The following CTNND2 variants were observed in gnomAD, a reference collection of about 807,000 sequenced individuals.
CTNND2 encodes the protein catenin delta 2.
CTNND2 carries 22 observed loss-of-function variants against 144.4 expected under a neutral mutation model. That is an observed-to-expected ratio of 0.15 (90% CI 0.11 to 0.22). The LOEUF is 0.22. Among genes scored for constraint, CTNND2 ranks in the 10% least tolerant of loss-of-function variants. The probability of loss-of-function intolerance (pLI) is 1.00; values close to 1 mark genes in which losing one functional copy is unlikely to be tolerated. For missense variants in CTNND2, 1,353 were observed against 1,618.8 expected (o/e 0.84, Z 2.82); for synonymous variants, 751 against 695.6 (o/e 1.08, Z -1.25).
In CTNND2 at chr5:11,105,030, C is replaced by T. The variant is rs1580298707; in HGVS notation, c.2463+5828G>A. Among the ~76,000 whole-genome samples, 5 of 152,346 alleles carry T rather than the reference C, an allele frequency of 3.3e-5. No individual in the cohort carries two copies. In the South Asian group the frequency reaches 1.0e-3, roughly 32 times the overall value. On this transcript the variant is annotated intron_variant, in intron 14 of 21. Coordinates refer to ENST00000304623, the MANE Select transcript of CTNND2 (RefSeq NM_001332.4). ...CCACAGACTGGCATCACGAGGCCGG[C>T]CACTGTGCTGTGCCCCACAGAAGAC...
chr5:11,535,944 A>T (rs536856448), intron 3 of CTNND2, among the ~76,000 whole-genome samples: 226 of 152,340 alleles, frequency 1.5e-3, no homozygotes, highest in Non-Finnish European at 2.4e-3. Context: ...AACATGGCTA[A>T]AACCAAGGCC....
chr5:11,612,417 A>C (rs1561619678), intron 2 of CTNND2, among the ~76,000 whole-genome samples: 1 of 152,202 alleles, frequency 6.6e-6, no homozygotes, highest in Non-Finnish European at 1.5e-5. Flanking sequence ...TTAAATTACT[A>C]ATGGCCTAAA....
At chr5:11,537,532 G>A (rs546954009) in intron 3 of CTNND2, among the ~76,000 whole-genome samples, 49 of 152,162 alleles carry the variant, frequency 3.2e-4, no homozygotes, top group Middle Eastern at 3.4e-3. Flanking sequence ...ATTCTTTTGT[G>A]TTGGGCACTA....
chr5:11,376,949 G>A (rs1045486104), intron 7 of CTNND2, among the ~76,000 whole-genome samples: 1 of 152,008 alleles, frequency 6.6e-6, no homozygotes, highest in African/African-American at 2.4e-5. Flanking sequence ...ATTCTCAAAA[G>A]ATAGCACTCC....
chr5:11,043,040 TTTAATAGTG>T lies in CTNND2; in HGVS notation c.2789-20070_2789-20062del, dbSNP rs1434065352. The stretch of plus-strand genomic sequence containing the variant: ...ACTTGTCTTCACTTCGAGATTGGTC[TTTAATAGTG>T]TTAGCTTATAAAATTTTTTATATCT... On this transcript the variant is annotated intron_variant, in intron 16 of 21. Transcript: ENST00000304623. Among the ~76,000 whole-genome samples the T allele has an allele frequency of 3.9e-5, 6 of 152,294 alleles. No individual in the cohort carries two copies. In the South Asian group the frequency reaches 1.2e-3, roughly 32 times the overall value.
chr5:11,295,296 A>G (rs1360286402), intron 9 of CTNND2, among the ~76,000 whole-genome samples: 1 of 152,216 alleles, frequency 6.6e-6, no homozygotes, highest in African/African-American at 2.4e-5. Context: ...GACCTCTTCA[A>G]GGAGAACTAC....
At chr5:11,714,236 C>T (rs1369922925) in intron 2 of CTNND2, among the ~76,000 whole-genome samples, 1 of 152,110 alleles carries the variant, frequency 6.6e-6, no homozygotes, top group Non-Finnish European at 1.5e-5. Context: ...TGACTGGAGT[C>T]GGCCTTCCAG....
At chr5:11,199,924 T>C (rs546812061) in intron 10 of CTNND2, among the ~76,000 whole-genome samples, 1 of 152,332 alleles carries the variant, frequency 6.6e-6, no homozygotes, top group East Asian at 1.9e-4. Flanking sequence ...TCATATTGAG[T>C]GCCTTAGACA....
At chr5:11,044,541 A>AC in intron 16 of CTNND2, among the ~76,000 whole-genome samples, 1 of 88,904 alleles carries the variant, frequency 1.1e-5, no homozygotes. Flanking sequence ...AAAAAAAAAA[A>AC]ATACATATAT....
intron 2 of CTNND2, among the ~76,000 whole-genome samples, chr5:11,659,379 G>T (rs1256928706): frequency 6.6e-6 from 1 of 152,050 alleles, no homozygotes; most frequent in Non-Finnish European, 1.5e-5. Context: ...GCGTATACCA[G>T]CAAGACTGTA....
At chr5:11,729,147 C>T (rs1787188139) in intron 2 of CTNND2, among the ~76,000 whole-genome samples, 1 of 151,644 alleles carries the variant, frequency 6.6e-6, no homozygotes, top group Admixed American at 6.6e-5. Context: ...TCTCAAGTTT[C>T]CAGAACACAT....
chr5:11,056,097 C>A (rs921806503), intron 16 of CTNND2, among the ~76,000 whole-genome samples: 1 of 152,200 alleles, frequency 6.6e-6, no homozygotes, highest in Non-Finnish European at 1.5e-5. Flanking sequence ...TGTCTCCCAC[C>A]ATCAGGCTTT....
chr5:11,079,413 T>C (rs780431035), intron 16 of CTNND2, among the ~76,000 whole-genome samples: 1 of 152,202 alleles, frequency 6.6e-6, no homozygotes, highest in Non-Finnish European at 1.5e-5. Context: ...TAACACCAGA[T>C]GCCTACCAGC....
chr5:11,693,317 T>C (rs557452085), intron 2 of CTNND2, among the ~76,000 whole-genome samples: 8 of 152,362 alleles, frequency 5.3e-5, no homozygotes, highest in South Asian at 4.1e-4. Context: ...ACCTAGCTTA[T>C]GTTAGTTTGT....
intron 15 of CTNND2, among the ~76,000 whole-genome samples, chr5:11,097,551 G>A (rs1015147277): frequency 1.3e-5 from 2 of 152,196 alleles, no homozygotes; most frequent in East Asian, 3.9e-4. Context: ...AGGAAGTTCT[G>A]TAGCTTGGAC....
intron 2 of CTNND2, among the ~76,000 whole-genome samples, chr5:11,585,943 TCCTCTGCAGGAGCAAAAAGTGAGAGGA>T: frequency 6.6e-6 from 1 of 152,152 alleles, no homozygotes; most frequent in South Asian, 2.1e-4. Flanking sequence ...GTGAGGAGTT[TCCTCTGCAGGAGCAAAAAGTGAGAGGA>T]GGAAACATCT....
chr5:11,061,350 G>A (rs1313427514), intron 16 of CTNND2, among the ~76,000 whole-genome samples: 1 of 152,156 alleles, frequency 6.6e-6, no homozygotes, highest in African/African-American at 2.4e-5. Flanking sequence ...ATAAACATCT[G>A]ATCATGCTTT....
At chr5:11,155,228 G>C (rs1758110752) in intron 12 of CTNND2, among the ~76,000 whole-genome samples, 1 of 152,196 alleles carries the variant, frequency 6.6e-6, no homozygotes, top group Non-Finnish European at 1.5e-5. Context: ...CAGGTTAAGA[G>C]ATGGATTTGA....
intron 1 of CTNND2, among the ~76,000 whole-genome samples, chr5:11,766,373 C>T (rs946916035): frequency 6.6e-6 from 1 of 152,138 alleles, no homozygotes; most frequent in Non-Finnish European, 1.5e-5. Flanking sequence ...GGGAAGGACC[C>T]AGTGGGAGGT....
Sources: allele counts gnomAD v4.1 joint callset (sites outside exome capture counted in the v4.1 genomes callset), GRCh38; gene constraint gnomAD v4.1.1; transcripts MANE v1.5; gene names NCBI Gene and HGNC (gene_info 2026-07-23, HGNC 2026-07-21).